ZMAT4: variants seen among roughly 807,000 people sequenced by gnomAD.
The protein encoded by ZMAT4 is zinc finger matrin-type protein 4.
In ZMAT4, 17 loss-of-function variants were observed where a neutral mutation model predicts 28.7. The ratio of observed to expected loss-of-function variants is 0.59; its 90% CI spans 0.41 to 0.89. ZMAT4 has a LOEUF of 0.89. ZMAT4 is among the 40% of genes least tolerant of loss of function. The pLI, the probability that ZMAT4 is intolerant of heterozygous loss-of-function variation, is 0.00. For missense variants in ZMAT4, 240 were observed against 283.8 expected, an observed-to-expected ratio of 0.85 and a Z score of 1.11; for synonymous variants, 117 against 109.2, an observed-to-expected ratio of 1.07 and a Z score of -0.44.
chr8:40,632,237 G>A (rs372653723), intron 5 of ZMAT4, among the ~76,000 whole-genome samples: 3 of 152,252 alleles, frequency 2.0e-5, no homozygotes, highest in East Asian at 3.9e-4. Flanking sequence ...AACAAGGCCA[G>A]GCACATAGAA....
At chr8:40,680,733 T>C (rs909118500) in intron 4 of ZMAT4, among the ~76,000 whole-genome samples, 12 of 137,228 alleles carry the variant, frequency 8.7e-5, no homozygotes, top group Non-Finnish European at 1.3e-4. Context: ...CACACACACA[T>C]ATACTTTCTC....
chr8:40,619,794 CTGAG>C (rs1806133940), intron 5 of ZMAT4, among the ~76,000 whole-genome samples: 2 of 152,198 alleles, frequency 1.3e-5, no homozygotes, highest in Non-Finnish European at 2.9e-5. Context: ...CGACAATCCC[CTGAG>C]TAAGGAAGTG....
intron 1 of ZMAT4, among the ~76,000 whole-genome samples, chr8:40,887,107 C>T (rs970897374): frequency 7.3e-6 from 1 of 137,652 alleles, no homozygotes; most frequent in African/African-American, 2.7e-5. Context: ...GGAGGCGGAG[C>T]TTGCAGTGAG....
At chr8:40,651,298 G>C (rs1196067540) in intron 5 of ZMAT4, among the ~76,000 whole-genome samples, 2 of 152,116 alleles carry the variant, frequency 1.3e-5, no homozygotes, top group Non-Finnish European at 2.9e-5. Flanking sequence ...CAAACAGAGA[G>C]CCAAATCATG....
Position 40,674,840 on chromosome 8 carries a change from A to G in ZMAT4, c.441T>C (p.Cys147=). 2 of 1,613,906 alleles carry G rather than the reference A, an allele frequency of 1.2e-6. No homozygotes were observed. Among genetic ancestry groups the G allele is most frequent in the Non-Finnish European group, 1.7e-6 (2 of 1,179,892 alleles). The change falls in exon 5 of 7, where the codon TGT becomes TGC. Residue 147 remains cysteine, a synonymous_variant. Coordinates refer to ENST00000297737, the MANE Select transcript of ZMAT4 (RefSeq NM_024645.3). ...PYQRRDSDRY[C]GLCAAWFNNP... is the part of the protein sequence containing the mutation. ...TATTAAACCAGGCTGCACAGAGCCC[A>G]CAGTATCTGTCTGAATCTCTTCTTT...
intron 1 of ZMAT4, among the ~76,000 whole-genome samples, chr8:40,873,799 C>T (rs1295690632): frequency 6.6e-6 from 1 of 152,154 alleles, no homozygotes; most frequent in Non-Finnish European, 1.5e-5. Context: ...GAACGTCCGT[C>T]CTCCTCACTA....
At chr8:40,868,788 C>T (rs1199431512) in intron 1 of ZMAT4, among the ~76,000 whole-genome samples, 1 of 152,224 alleles carries the variant, frequency 6.6e-6, no homozygotes, top group Non-Finnish European at 1.5e-5. Flanking sequence ...CTCTCCACTG[C>T]CTGGCTGCCA....
chr8:40,720,919 G>A (rs551038441), intron 3 of ZMAT4, among the ~76,000 whole-genome samples: 296 of 152,176 alleles, frequency 1.9e-3, no homozygotes, highest in Non-Finnish European at 3.7e-3. Flanking sequence ...CAGAGGCAGA[G>A]TAGTCAATGT....
At chr8:40,657,096 T>C (rs1455551109) in intron 5 of ZMAT4, among the ~76,000 whole-genome samples, 1 of 152,178 alleles carries the variant, frequency 6.6e-6, no homozygotes, top group Non-Finnish European at 1.5e-5. Context: ...AATGATGCAA[T>C]CTCGGCTCAC....
chr8:40,777,506 C>T (rs1040095195), intron 2 of ZMAT4, among the ~76,000 whole-genome samples: 6 of 152,214 alleles, frequency 3.9e-5, no homozygotes, highest in African/African-American at 9.6e-5. Context: ...CTCTTCCTAC[C>T]GAAAGCACTG....
At chr8:40,819,870 AATAC>A (rs1175442248) in intron 2 of ZMAT4, among the ~76,000 whole-genome samples, 2 of 152,004 alleles carry the variant, frequency 1.3e-5, no homozygotes, top group Non-Finnish European at 2.9e-5. Context: ...TATATATTTT[AATAC>A]ATAGAGAACA....
chr8:40,596,668 T>C (rs1297065939), intron 5 of ZMAT4, among the ~76,000 whole-genome samples: 4 of 152,214 alleles, frequency 2.6e-5, no homozygotes, highest in Non-Finnish European at 4.4e-5. Flanking sequence ...AACCTTGTTA[T>C]GTGGTGCATG....
chr8:40,818,918 G>A (rs16889986), intron 2 of ZMAT4, among the ~76,000 whole-genome samples: 12,476 of 152,224 alleles, frequency 0.082, 797 homozygotes, highest in East Asian at 0.31. Context: ...AAAGGCATTA[G>A]CAGCTCTGGA....
At chr8:40,739,459 T>C (rs1281933268) in intron 3 of ZMAT4, among the ~76,000 whole-genome samples, 1 of 152,178 alleles carries the variant, frequency 6.6e-6, no homozygotes, top group Non-Finnish European at 1.5e-5. Flanking sequence ...TGTAAGACAC[T>C]GATAGTAGAT....
chr8:40,882,267 C>T (rs1388856207), intron 1 of ZMAT4, among the ~76,000 whole-genome samples: 1 of 152,142 alleles, frequency 6.6e-6, no homozygotes, highest in Non-Finnish European at 1.5e-5. Context: ...CTCTTCCAAG[C>T]ATTGCAGGAA....
At chr8:40,661,747 A>G (rs1185179948) in intron 5 of ZMAT4, among the ~76,000 whole-genome samples, 1 of 152,242 alleles carries the variant, frequency 6.6e-6, no homozygotes. Flanking sequence ...CAGAGGCAGC[A>G]TAATGGATAC....
At chr8:40,641,922 G>T (rs143580344) in intron 5 of ZMAT4, among the ~76,000 whole-genome samples, 1 of 151,840 alleles carries the variant, frequency 6.6e-6, no homozygotes, top group African/African-American at 2.4e-5. Context: ...GCGAGAATCC[G>T]TCTAAAATAA....
chr8:40,788,164 A>T lies in ZMAT4; in HGVS notation c.103-20434T>A, dbSNP rs77368881. ...ATCATGAATATCAGGAATGAGAGAT[A>T]AAAAAACATGACTCCTTCTACATAT... On this transcript the variant is annotated intron_variant, in intron 2 of 6. Transcript: ENST00000297737. 0.015 allele frequency among the ~76,000 whole-genome samples: 2,262 copies of T among 152,302 alleles called. 134 individuals are homozygous for T. In the East Asian group the frequency reaches 0.21, roughly 14 times the overall value.
At chr8:40,548,599 T>C (rs1351765612) in intron 6 of ZMAT4, among the ~76,000 whole-genome samples, 1 of 152,202 alleles carries the variant, frequency 6.6e-6, no homozygotes, top group Non-Finnish European at 1.5e-5. Flanking sequence ...TCTGCATGGC[T>C]GAGTCAAGAA....
Sources: allele counts gnomAD v4.1 joint callset (sites outside exome capture counted in the v4.1 genomes callset), GRCh38; gene constraint gnomAD v4.1.1; transcripts MANE v1.5; gene names NCBI Gene and HGNC (gene_info 2026-07-23, HGNC 2026-07-21).